RBFOX1: variants seen among roughly 807,000 people sequenced by gnomAD.
RBFOX1 encodes the protein RNA binding protein fox-1 homolog 1.
A neutral mutation model predicts 57.7 loss-of-function variants in RBFOX1; 8 were observed. The ratio of observed to expected loss-of-function variants is 0.14; its 90% CI spans 0.08 to 0.25. RBFOX1 has a LOEUF of 0.25. RBFOX1 is among the 10% of genes least tolerant of loss of function. The pLI is 1.00. For missense variants in RBFOX1, 611 were observed against 548.5 expected (o/e 1.11, Z -1.14); for synonymous variants, 326 against 222.4 (o/e 1.47, Z -4.15).
intron 3 of RBFOX1, among the ~76,000 whole-genome samples, chr16:6,809,147 C>G (rs2087743745): frequency 6.6e-6 from 1 of 152,188 alleles, no homozygotes; most frequent in Non-Finnish European, 1.5e-5. Flanking sequence ...TTGTGTACCT[C>G]ACTGCTGATT....
At chr16:6,322,214 T>A (rs1406978324) in intron 2 of RBFOX1, among the ~76,000 whole-genome samples, 1 of 152,214 alleles carries the variant, frequency 6.6e-6, no homozygotes, top group Non-Finnish European at 1.5e-5. Flanking sequence ...TCTTCATACC[T>A]AAAGCCACCT....
At chr16:7,627,146 A>G (rs1286236083) in intron 10 of RBFOX1, among the ~76,000 whole-genome samples, 1 of 123,126 alleles carries the variant, frequency 8.1e-6, no homozygotes, top group East Asian at 2.0e-4. Context: ...TTTTCTTTTA[A>G]GTTGAACCAC....
Position 6,893,337 on chromosome 16 carries a change from C to A in RBFOX1, c.-15-158720C>A, listed in dbSNP as rs191491145. ...CCCTAGAGATCAAACTCATATAGGT[C>A]ATCTAAAAATACACGATCAAGTCAC... On this transcript the variant is annotated intron_variant, in intron 3 of 15. Coordinates refer to ENST00000550418, the MANE Select transcript of RBFOX1 (RefSeq NM_018723.4). Among the ~76,000 whole-genome samples, 10 of 152,234 alleles carry A rather than the reference C, an allele frequency of 6.6e-5. No homozygotes were observed. In the East Asian group the frequency reaches 9.7e-4, roughly 15 times the overall value.
At chr16:5,785,244 T>C (rs2054461044) in intron 3 of RBFOX1, among the ~76,000 whole-genome samples, 1 of 152,224 alleles carries the variant, frequency 6.6e-6, no homozygotes, top group African/African-American at 2.4e-5. Flanking sequence ...GGGATTGCAG[T>C]ATGTTCAACC....
chr16:5,337,725 G>T (rs1483927353), intron 1 of RBFOX1, among the ~76,000 whole-genome samples: 5 of 152,178 alleles, frequency 3.3e-5, no homozygotes, highest in Non-Finnish European at 5.9e-5. Flanking sequence ...CTCTGTGCCT[G>T]TACAGATAGT....
intron 1 of RBFOX1, among the ~76,000 whole-genome samples, chr16:5,359,625 C>G (rs1182564932): frequency 1.3e-5 from 2 of 152,136 alleles, no homozygotes; most frequent in African/African-American, 4.8e-5. Context: ...TGAGATATGT[C>G]TATTCAAATC....
chr16:7,399,403 G>C (rs996332020), intron 4 of RBFOX1, among the ~76,000 whole-genome samples: 1 of 152,114 alleles, frequency 6.6e-6, no homozygotes, highest in Non-Finnish European at 1.5e-5. Flanking sequence ...GCCGGGATCA[G>C]ACTGTTGCAC....
chr16:6,214,480 G>C (rs571329911), intron 1 of RBFOX1, among the ~76,000 whole-genome samples: 1 of 144,572 alleles, frequency 6.9e-6, no homozygotes, highest in Non-Finnish European at 1.5e-5. Context: ...GAAAAGGAGA[G>C]GGGGAGAGGG....
intron 2 of RBFOX1, among the ~76,000 whole-genome samples, chr16:6,337,679 T>C (rs1159621271): frequency 6.6e-6 from 1 of 152,194 alleles, no homozygotes; most frequent in Non-Finnish European, 1.5e-5. Context: ...GATACGTGTC[T>C]TAGGAAAGCT....
At chr16:5,472,429 A>C (rs1244965125) in intron 2 of RBFOX1, among the ~76,000 whole-genome samples, 1 of 152,188 alleles carries the variant, frequency 6.6e-6, no homozygotes, top group Non-Finnish European at 1.5e-5. Context: ...AGATAGGCGA[A>C]TAACCTTCCC....
chr16:6,067,379 C>CAAACAAACAAACAAA (rs71142673), intron 1 of RBFOX1, among the ~76,000 whole-genome samples: 16 of 130,588 alleles, frequency 1.2e-4, no homozygotes, highest in South Asian at 2.3e-4. Flanking sequence ...CAAAAACAAA[C>CAAACAAACAAACAAA]CAACCAAACA....
chr16:7,498,224 C>A (rs1249556438), intron 4 of RBFOX1, among the ~76,000 whole-genome samples: 2 of 152,066 alleles, frequency 1.3e-5, no homozygotes, highest in Non-Finnish European at 2.9e-5. Context: ...AAGTCCATTT[C>A]AAAAAATGTT....
At chr16:5,456,661 C>A (rs1306562643) in intron 1 of RBFOX1, among the ~76,000 whole-genome samples, 1 of 152,166 alleles carries the variant, frequency 6.6e-6, no homozygotes, top group Admixed American at 6.5e-5. Flanking sequence ...CTTGAATCTG[C>A]CCATTTTCTT....
intron 3 of RBFOX1, among the ~76,000 whole-genome samples, chr16:6,845,173 T>A (rs142144544): frequency 0.034 from 5,210 of 152,264 alleles, 152 homozygotes; most frequent in Admixed American, 0.081. Context: ...CAGAAGCTCT[T>A]TAGTTTAATT....
chr16:5,297,876 A>G (rs1184539313), intron 1 of RBFOX1, among the ~76,000 whole-genome samples: 1 of 152,214 alleles, frequency 6.6e-6, no homozygotes, highest in African/African-American at 2.4e-5. Flanking sequence ...TCTGATTTGT[A>G]TGAGTAGGTC....
At chr16:7,690,037 A>G (rs191558914) in intron 14 of RBFOX1, among the ~76,000 whole-genome samples, 1 of 151,928 alleles carries the variant, frequency 6.6e-6, no homozygotes, top group African/African-American at 2.4e-5. Flanking sequence ...CAGTGATTCA[A>G]CTCCCTTGAA....
At chr16:5,536,437 G>A (rs113410601) in intron 2 of RBFOX1, among the ~76,000 whole-genome samples, 1,967 of 151,966 alleles carry the variant, frequency 0.013, 56 homozygotes, top group African/African-American at 0.045. Flanking sequence ...ATTTCACCAT[G>A]ATTGGTCAGC....
At chr16:7,291,132 C>T (rs1568057960) in intron 4 of RBFOX1, among the ~76,000 whole-genome samples, 1 of 152,112 alleles carries the variant, frequency 6.6e-6, no homozygotes, top group Admixed American at 6.5e-5. Context: ...TCAAGGTGAC[C>T]AGTATCTGGA....
intron 1 of RBFOX1, among the ~76,000 whole-genome samples, chr16:5,423,857 C>T (rs750941125): frequency 1.3e-5 from 2 of 152,138 alleles, no homozygotes; most frequent in Admixed American, 6.5e-5. Flanking sequence ...TGGCCAGGCT[C>T]ATTGAGGCCA....
Sources: allele counts gnomAD v4.1 joint callset (sites outside exome capture counted in the v4.1 genomes callset), GRCh38; gene constraint gnomAD v4.1.1; transcripts MANE v1.5; gene names NCBI Gene and HGNC (gene_info 2026-07-23, HGNC 2026-07-21).